Variants in IAH1 observed in about 807,000 individuals in gnomAD.
The protein encoded by IAH1 is isoamyl acetate-hydrolyzing esterase 1 homolog.
IAH1 carries 24 observed loss-of-function variants against 26.7 expected under a neutral mutation model. The ratio of observed to expected loss-of-function variants is 0.90; its 90% CI spans 0.65 to 1.26. The LOEUF is 1.26. Among genes scored for constraint, IAH1 ranks in the 50% most tolerant of loss-of-function variants. The probability of loss-of-function intolerance (pLI) is 0.00; values close to 1 mark genes in which losing one functional copy is unlikely to be tolerated. For missense variants in IAH1, 300 were observed against 299.9 expected (o/e 1.00, Z 0.00); for synonymous variants, 140 against 118.5 (o/e 1.18, Z -1.18).
intron 4 of IAH1, 47 bp from the exon 5 acceptor site, chr2:9,484,385 A>G (rs1229795271): frequency 8.0e-6 from 11 of 1,382,076 alleles, no homozygotes; most frequent in Non-Finnish European, 1.1e-5. Flanking sequence ...CACAAGGGCC[A>G]GCACTTGGGT....
chr2:9,491,345 T>C (rs1662127339), downstream of IAH1, among the ~76,000 whole-genome samples: 1 of 152,226 alleles, frequency 6.6e-6, no homozygotes, highest in African/African-American at 2.4e-5. Context: ...AAGTGTTTCC[T>C]TTGCACTCAA....
Position 9,476,293 on chromosome 2 carries a change from T to G in IAH1, c.134+254T>G, listed in dbSNP as rs912397036. On this transcript the variant is annotated intron_variant, in intron 2 of 5. Transcript: ENST00000497473. The stretch of plus-strand genomic sequence containing the variant: ...AAGGAAATGGCCAAGGCCTCTTCCC[T>G]AGTCAGGGGCAGACAGATCCAAGTC... Among the ~76,000 whole-genome samples, 43 of 152,382 alleles carry G rather than the reference T, an allele frequency of 2.8e-4. 1 individual carries two copies. The highest frequency in any genetic ancestry group is 1.0e-3 in the African/African-American group (43 of 41,592).
At chr2:9,501,011 G>A (rs530528466), downstream of IAH1, among the ~76,000 whole-genome samples, 1 of 152,044 alleles carries the variant, frequency 6.6e-6, no homozygotes, top group Non-Finnish European at 1.5e-5. Context: ...ACAAAATGAT[G>A]GATTTGATTA....
rs1241246679 is a variant in IAH1, at chr2:9,478,290, G to A, written c.203G>A (p.Arg68Lys). The part of the protein sequence containing the change: ...NTRWAKIILP[R>K]LIRKGNSLDI... ...AGGTGGGCCAAAATTATCCTTCCAAGATTAATCAGGAAAGGAAACAGTTTG... is the reference window on the plus strand; with the variant it reads ...AGGTGGGCCAAAATTATCCTTCCAAAATTAATCAGGAAAGGAAACAGTTTG... Residue 68 changes from arginine to lysine, a missense_variant, in exon 3 of 6, where the codon AGA (arginine) becomes AAA (lysine). Physicochemically the swap from Arg to Lys is conservative, Grantham distance 26. Coordinates refer to ENST00000497473, the MANE Select transcript of IAH1 (RefSeq NM_001039613.3). 6.2e-7 allele frequency: 1 copy of A among 1,613,418 alleles called. No individual in the cohort carries two copies. Among genetic ancestry groups the A allele is most frequent in the East Asian group, 2.2e-5 (1 of 44,846 alleles).
exon 7 of IAH1, chr2:9,496,444 A>AAAGCAAGAGAACTCCCTCATC (rs1438765559): frequency 3.4e-4 from 52 of 152,364 alleles, no homozygotes; most frequent in African/African-American, 1.2e-3. Flanking sequence ...GTCTATTTTG[A>AAAGCAAGAGAACTCCCTCATC]AAGCAAGAGA....
intron 4 of IAH1, among the ~76,000 whole-genome samples, chr2:9,482,030 C>CT (rs1313748153): frequency 3.1e-5 from 3 of 96,450 alleles, no homozygotes; most frequent in Non-Finnish European, 6.8e-5. Context: ...TATGGAAGTT[C>CT]TCTTTTTTTT....
chr2:9,475,929 C>G (rs1255247694), intron 1 of IAH1, 58 bp from the exon 2 acceptor site: 1 of 1,493,702 alleles, frequency 6.7e-7, no homozygotes, highest in Non-Finnish European at 9.3e-7. Flanking sequence ...CAGAACTGCC[C>G]TCGCTGAGAT....
At chr2:9,499,021 G>A (rs1662818365), downstream of IAH1, among the ~76,000 whole-genome samples, 1 of 152,090 alleles carries the variant, frequency 6.6e-6, no homozygotes, top group African/African-American at 2.4e-5. Context: ...TAGATCCAGG[G>A]AGGGGACTGA....
chr2:9,497,384 A>T, downstream of IAH1: 1 of 1,111,794 alleles, frequency 9.0e-7, no homozygotes. Context: ...GAGCTAGGAC[A>T]AGAGCCTGCA....
chr2:9,502,832 T>C, the IAH1 span, among the ~76,000 whole-genome samples: 1 of 129,148 alleles, frequency 7.7e-6, no homozygotes, highest in African/African-American at 3.1e-5. Flanking sequence ...TGAGCCGAGA[T>C]CGCACCACTG....
At chr2:9,512,405 T>G in the IAH1 span, 1 of 152,228 alleles carries the variant, frequency 6.6e-6, no homozygotes, top group South Asian at 2.1e-4. Context: ...CGTGAGCTAC[T>G]GTACACACAT....
At chr2:9,511,229 G>A in the IAH1 span, among the ~76,000 whole-genome samples, 40 of 151,898 alleles carry the variant, frequency 2.6e-4, no homozygotes, top group Admixed American at 2.2e-3. Context: ...TGGGTTGATC[G>A]CCTGAGGTCA....
At chr2:9,492,909 C>G, downstream of IAH1, 1 of 1,611,598 alleles carries the variant, frequency 6.2e-7, no homozygotes, top group South Asian at 1.1e-5. Context: ...ACACAATGGA[C>G]AAGAATGCTG....
chr2:9,494,126 G>A (rs1265853759), downstream of IAH1, among the ~76,000 whole-genome samples: 1 of 152,062 alleles, frequency 6.6e-6, no homozygotes, highest in Non-Finnish European at 1.5e-5. Context: ...ATACACAGTG[G>A]ACAGTGAACA....
chr2:9,495,930 G>A (rs1341053253), intron 6 of IAH1, among the ~76,000 whole-genome samples: 2 of 148,606 alleles, frequency 1.3e-5, no homozygotes, highest in Non-Finnish European at 3.0e-5. Flanking sequence ...CAACTCCTGA[G>A]CTCAAGTGAT....
chr2:9,488,334 T>C lies in IAH1; in HGVS notation c.*5T>C. On this transcript the variant is annotated 3_prime_UTR_variant, in exon 6 of 6. Transcript: ENST00000497473. ...CTGGGAGATGGAGACCATTAGCCAA[T>C]CACAGGAGACCCAAATCTGCTTGTT... The C allele has an allele frequency of 6.3e-7, 1 of 1,585,628 alleles. No homozygotes were observed. Among genetic ancestry groups the C allele is most frequent in the Non-Finnish European group, 8.5e-7 (1 of 1,170,076 alleles).
At chr2:9,481,254 A>G (rs1661150822) in intron 3 of IAH1, 32 bp from the exon 4 acceptor site, 1 of 1,608,262 alleles carries the variant, frequency 6.2e-7, no homozygotes, top group African/African-American at 1.3e-5. Flanking sequence ...ATAAATATGC[A>G]TCTGGTGAGG....
chr2:9,512,081 A>T, the IAH1 span, among the ~76,000 whole-genome samples: 1 of 152,254 alleles, frequency 6.6e-6, no homozygotes. Flanking sequence ...CTGAAAAAAT[A>T]ATATTTTGCA....
chr2:9,502,490 CTA>C, the IAH1 span, among the ~76,000 whole-genome samples: 1 of 152,252 alleles, frequency 6.6e-6, no homozygotes, highest in African/African-American at 2.4e-5. Context: ...AAATGCCACA[CTA>C]TAGGAGAAAA....
Sources: allele counts gnomAD v4.1 joint callset (sites outside exome capture counted in the v4.1 genomes callset), GRCh38; gene constraint gnomAD v4.1.1; transcripts MANE v1.5; gene names NCBI Gene and HGNC (gene_info 2026-07-23, HGNC 2026-07-21).